Variants in PLSCR2 observed in about 807,000 individuals in gnomAD.
PLSCR2 encodes phospholipid scramblase 2.
PLSCR2 carries 18 observed loss-of-function variants against 25.3 expected under a neutral mutation model. The observed-to-expected ratio is 0.71, with a 90% CI of 0.49 to 1.06. PLSCR2 has a LOEUF of 1.06. Among genes scored for constraint, PLSCR2 ranks in the 50% least tolerant of loss-of-function variants. The probability of loss-of-function intolerance (pLI) is 0.00; values close to 1 mark genes in which losing one functional copy is unlikely to be tolerated. For synonymous variants in PLSCR2, 88 were observed against 87.3 expected, an observed-to-expected ratio of 1.01 and a Z score of -0.04; for missense variants, 243 against 269.5, an observed-to-expected ratio of 0.90 and a Z score of 0.69.
chr3:146,489,502 T>C (rs1313054998), intron 1 of PLSCR2, among the ~76,000 whole-genome samples: 2 of 152,086 alleles, frequency 1.3e-5, no homozygotes, highest in Non-Finnish European at 2.9e-5. Flanking sequence ...CCAATCATGT[T>C]CTGTTCCCTC....
intron 1 of PLSCR2, among the ~76,000 whole-genome samples, chr3:146,481,261 G>T (rs958785878): frequency 6.6e-6 from 1 of 151,990 alleles, no homozygotes; most frequent in Non-Finnish European, 1.5e-5. Flanking sequence ...AGAAATAAAG[G>T]GTATTCAATT....
At chr3:146,395,018 C>G (rs970318757) in intron 3 of PLSCR2, among the ~76,000 whole-genome samples, 4 of 152,144 alleles carry the variant, frequency 2.6e-5, no homozygotes, top group Non-Finnish European at 5.9e-5. Flanking sequence ...CTGAAGCCTC[C>G]CTAGCTATGT....
At chr3:146,485,677 T>C (rs368362793) in intron 1 of PLSCR2, among the ~76,000 whole-genome samples, 202 of 152,274 alleles carry the variant, frequency 1.3e-3, no homozygotes, top group African/African-American at 4.7e-3. Flanking sequence ...ATCTGAAGAT[T>C]GAACAACCTA....
intron 1 of PLSCR2, among the ~76,000 whole-genome samples, chr3:146,475,743 T>C (rs1448923290): frequency 6.6e-6 from 1 of 152,208 alleles, no homozygotes; most frequent in Non-Finnish European, 1.5e-5. Context: ...CTTTTTGTGT[T>C]TGGGGACACT....
At chr3:146,471,039 GTTTTTTTGT>G (rs2042099938) in intron 1 of PLSCR2, among the ~76,000 whole-genome samples, 1 of 6,528 alleles carries the variant, frequency 1.5e-4, no homozygotes, top group African/African-American at 6.6e-4. Flanking sequence ...CAGTGTTTTT[GTTTTTTTGT>G]TTTTTTTTTA....
chr3:146,450,932 A>G lies in PLSCR2; in HGVS notation c.484-1565T>C, dbSNP rs1342801308. On this transcript the variant is annotated intron_variant, in intron 5 of 6. Coordinates refer to ENST00000610787, the Ensembl canonical transcript of PLSCR2. The stretch of plus-strand genomic sequence containing the variant: ...TATAAATAATGACATGCATATACAG[A>G]TCATTATAAAGTCTAGATAATTTTT... Among the ~76,000 whole-genome samples, 3 of 151,930 alleles carry G rather than the reference A, an allele frequency of 2.0e-5. No individual in the cohort carries two copies. The East Asian group carries it at 5.8e-4, about 29-fold the overall frequency.
intron 2 of PLSCR2, among the ~76,000 whole-genome samples, chr3:146,402,773 A>T (rs1224357686): frequency 6.6e-6 from 1 of 152,060 alleles, no homozygotes; most frequent in Non-Finnish European, 1.5e-5. Flanking sequence ...CAGCCTAAAC[A>T]TTCTGTTCTA....
At chr3:146,416,938 A>G (rs2039019979) in intron 2 of PLSCR2, among the ~76,000 whole-genome samples, 1 of 152,204 alleles carries the variant, frequency 6.6e-6, no homozygotes, top group African/African-American at 2.4e-5. Context: ...TTTCAGAATC[A>G]TTTGAAATGG....
chr3:146,471,049 T>G (rs1015792585), intron 1 of PLSCR2, among the ~76,000 whole-genome samples: 5 of 184 alleles, frequency 0.027, no homozygotes, highest in Non-Finnish European at 0.12. Flanking sequence ...GTTTTTTTGT[T>G]TTTTTTTTAC....
At position 146,392,809 on chromosome 3, in the gene PLSCR2, A is replaced by G. The variant is rs140193544; in HGVS notation, c.*146-1247T>C. Among the ~76,000 whole-genome samples, 876 of 147,636 alleles carry G rather than the reference A, an allele frequency of 5.9e-3. 4 individuals carry two copies. Among genetic ancestry groups the G allele is most frequent in the Middle Eastern group, 0.018 (5 of 274 alleles). On this transcript the variant is annotated intron_variant and NMD_transcript_variant, in intron 3 of 3. Transcript: ENST00000463633. ...CTCTTTGTTTATTTTTGTTTGCTTA[A>G]TGGTTCAATATCTCCTTCATTATGC... is the stretch of plus-strand genomic sequence containing the variant.
chr3:146,408,657 T>G (rs913533272), intron 2 of PLSCR2, among the ~76,000 whole-genome samples: 1 of 152,118 alleles, frequency 6.6e-6, no homozygotes, highest in African/African-American at 2.4e-5. Flanking sequence ...AAATGCCAAA[T>G]TAAGAGCACG....
chr3:146,443,695 T>C (rs2040381780), intron 6 of PLSCR2, among the ~76,000 whole-genome samples: 1 of 151,992 alleles, frequency 6.6e-6, no homozygotes, highest in African/African-American at 2.4e-5. Context: ...TTGGCTTATC[T>C]TTCCAAAAAA....
chr3:146,490,374 C>T (rs2043502221), intron 1 of PLSCR2, among the ~76,000 whole-genome samples: 1 of 152,044 alleles, frequency 6.6e-6, no homozygotes, highest in African/African-American at 2.4e-5. Flanking sequence ...GACAACTCTG[C>T]CATGAGAATA....
chr3:146,406,255 G>A (rs551499576), intron 2 of PLSCR2, among the ~76,000 whole-genome samples: 46 of 152,146 alleles, frequency 3.0e-4, no homozygotes, highest in African/African-American at 5.3e-4. Flanking sequence ...GACAGCTAGC[G>A]TCAGGGTGAT....
intron 2 of PLSCR2, among the ~76,000 whole-genome samples, chr3:146,406,166 G>A (rs555285797): frequency 1.3e-5 from 2 of 152,326 alleles, no homozygotes; most frequent in South Asian, 2.1e-4. Context: ...GTTATGGAAT[G>A]AAGATGTGGT....
intron 6 of PLSCR2, among the ~76,000 whole-genome samples, chr3:146,444,909 G>T (rs893146799): frequency 1.3e-5 from 2 of 151,690 alleles, no homozygotes; most frequent in Non-Finnish European, 2.9e-5. Flanking sequence ...TCTTGCTTTT[G>T]ATTCTGTATG....
intron 1 of PLSCR2, among the ~76,000 whole-genome samples, chr3:146,486,890 G>A (rs958603711): frequency 1.1e-4 from 17 of 152,116 alleles, no homozygotes; most frequent in African/African-American, 4.1e-4. Context: ...AAATATTCCT[G>A]ATGAACATCA....
At chr3:146,453,908 T>C (rs368121217) in intron 5 of PLSCR2, 94 bp downstream of exon 5, 37 of 998,960 alleles carry the variant, frequency 3.7e-5, no homozygotes, top group Middle Eastern at 2.9e-4. Context: ...GAGACATCAG[T>C]ACACAATACT....
intron 5 of PLSCR2, among the ~76,000 whole-genome samples, chr3:146,453,012 T>G (rs2040991885): frequency 6.6e-6 from 1 of 152,028 alleles, no homozygotes; most frequent in Non-Finnish European, 1.5e-5. Flanking sequence ...AAGAGCATTT[T>G]AAAGGTCTCT....
Sources: allele counts gnomAD v4.1 joint callset (sites outside exome capture counted in the v4.1 genomes callset), GRCh38; gene constraint gnomAD v4.1.1; transcripts MANE v1.5; gene names NCBI Gene and HGNC (gene_info 2026-07-23, HGNC 2026-07-21).